The following MBOAT1 variants were observed in gnomAD, a reference collection of about 807,000 sequenced individuals.
The protein encoded by MBOAT1 is membrane-bound glycerophospholipid O-acyltransferase 1.
A neutral mutation model predicts 64.4 loss-of-function variants in MBOAT1; 67 were observed. The observed-to-expected ratio is 1.04, with a 90% confidence interval of 0.85 to 1.27. The LOEUF (loss-of-function observed/expected upper bound fraction) is 1.27. Ranked by LOEUF, MBOAT1 falls within the 50% of genes most tolerant of loss-of-function variation. The pLI is 0.00. For missense variants in MBOAT1, 563 were observed against 604.6 expected (o/e 0.93, Z 0.72); for synonymous variants, 229 against 218.9 (o/e 1.05, Z -0.41).
At chr6:20,178,387 G>A (rs368697280) in intron 1 of MBOAT1, among the ~76,000 whole-genome samples, 2 of 152,220 alleles carry the variant, frequency 1.3e-5, no homozygotes, top group East Asian at 3.9e-4. Flanking sequence ...TGACAAAGTT[G>A]ATAAATAAAG....
chr6:20,149,100 C>CAAA (rs60045654), intron 3 of MBOAT1, among the ~76,000 whole-genome samples: 2 of 91,772 alleles, frequency 2.2e-5, no homozygotes, highest in Non-Finnish European at 5.0e-5. Flanking sequence ...GACTCTGTCT[C>CAAA]AAAAAAAAAA....
At chr6:20,138,830 A>G (rs1761080083) in intron 4 of MBOAT1, among the ~76,000 whole-genome samples, 1 of 152,184 alleles carries the variant, frequency 6.6e-6, no homozygotes, top group African/African-American at 2.4e-5. Context: ...CTTCTCTCAC[A>G]GTTCTTGAGG....
Position 20,152,781 on chromosome 6 carries a change from GA to G in MBOAT1, c.100-13del, listed in dbSNP as rs1761559466. The stretch of plus-strand genomic sequence containing the variant: ...ACCACAAAATTCACCTGTGGCAGGG[GA>G]AGAGAAAATAAAAACCTTTGTGTGA... On this transcript the variant is annotated splice_polypyrimidine_tract_variant and intron_variant, in intron 1 of 12. Transcript: ENST00000324607. 6.3e-7 allele frequency: 1 copy of G among 1,593,352 alleles called. No individual in the cohort carries two copies. The highest frequency in any genetic ancestry group is 2.3e-5 in the East Asian group (1 of 44,372).
At chr6:20,152,278 G>C (rs1761516246) in intron 2 of MBOAT1, among the ~76,000 whole-genome samples, 1 of 151,132 alleles carries the variant, frequency 6.6e-6, no homozygotes, top group African/African-American at 2.4e-5. Context: ...AGTGAGCCAA[G>C]ATCGCGCCAC....
intron 11 of MBOAT1, 152 bp from the exon 12 acceptor site, chr6:20,109,901 A>ATTTTTTTTTTTTT (rs756853889): frequency 3.4e-6 from 1 of 296,680 alleles, no homozygotes. Context: ...TACCATCAGG[A>ATTTTTTTTTTTTT]CTTTTTTTTT....
chr6:20,204,242 G>A (rs1434432237), intron 1 of MBOAT1, among the ~76,000 whole-genome samples: 1 of 151,940 alleles, frequency 6.6e-6, no homozygotes, highest in African/African-American at 2.4e-5. Context: ...GAGGCCCAGA[G>A]ATGCCGAGGC....
At chr6:20,162,518 T>C (rs1761893449) in intron 1 of MBOAT1, among the ~76,000 whole-genome samples, 1 of 152,252 alleles carries the variant, frequency 6.6e-6, no homozygotes, top group African/African-American at 2.4e-5. Context: ...GTTTAAAACA[T>C]ACAAGTTTTG....
At chr6:20,141,858 G>A (rs1286431101) in intron 4 of MBOAT1, among the ~76,000 whole-genome samples, 2 of 152,100 alleles carry the variant, frequency 1.3e-5, no homozygotes, top group Non-Finnish European at 2.9e-5. Context: ...GTAATGAGAG[G>A]ACCTGGTGAC....
At chr6:20,115,445 CT>C in intron 9 of MBOAT1, 93 bp from the exon 10 acceptor site, 1 of 991,578 alleles carries the variant, frequency 1.0e-6, no homozygotes, top group African/African-American at 1.6e-5. Flanking sequence ...AGGTTAGATA[CT>C]GTATTTCAAT....
intron 1 of MBOAT1, among the ~76,000 whole-genome samples, chr6:20,165,067 C>T (rs1268244563): frequency 6.6e-6 from 1 of 152,146 alleles, no homozygotes; most frequent in Non-Finnish European, 1.5e-5. Flanking sequence ...ATATTTTCAA[C>T]TTAGAGTGGG....
intron 4 of MBOAT1, among the ~76,000 whole-genome samples, chr6:20,140,172 C>T (rs1381038269): frequency 6.6e-6 from 1 of 152,204 alleles, no homozygotes; most frequent in East Asian, 1.9e-4. Flanking sequence ...GTTTATACTT[C>T]CTTCCCCCAA....
chr6:20,165,695 A>G (rs1259899270), intron 1 of MBOAT1, among the ~76,000 whole-genome samples: 1 of 151,730 alleles, frequency 6.6e-6, no homozygotes, highest in Non-Finnish European at 1.5e-5. Context: ...GTGAGCCGCG[A>G]TCGTGCCAGT....
intron 1 of MBOAT1, among the ~76,000 whole-genome samples, chr6:20,164,823 A>T (rs1454581669): frequency 6.6e-6 from 1 of 152,202 alleles, no homozygotes; most frequent in Non-Finnish European, 1.5e-5. Context: ...AGATGGTGTG[A>T]AAGTGACTTG....
At position 20,139,229 on chromosome 6, in the gene MBOAT1, G is replaced by A. The variant is rs574706062; in HGVS notation, c.419+4991C>T. Among the ~76,000 whole-genome samples the A allele has an allele frequency of 6.6e-5, 10 of 152,262 alleles. No individual in the cohort carries two copies. In the South Asian group the frequency reaches 1.9e-3, roughly 28 times the overall value. On this transcript the variant is annotated intron_variant, in intron 4 of 12. Transcript: ENST00000324607. The stretch of plus-strand genomic sequence containing the variant: ...CAACCTCCACCTCCTGGGTTCAGGC[G>A]ATTCCCCTGCTTCAGCCTCCCATGT...
intron 11 of MBOAT1, among the ~76,000 whole-genome samples, chr6:20,110,124 T>C (rs1760090843): frequency 6.6e-6 from 1 of 151,912 alleles, no homozygotes; most frequent in African/African-American, 2.4e-5. Flanking sequence ...TTGGCCAGGC[T>C]GGTCTCGAAT....
rs1762766394 is a variant in MBOAT1 at position 20,190,178 on chromosome 6, A to G, written c.99+21958T>C. Among the ~76,000 whole-genome samples, 2 of 152,010 alleles carry G rather than the reference A, an allele frequency of 1.3e-5. 1 individual carries two copies. The highest frequency in any genetic ancestry group is 4.2e-4 in the South Asian group (2 of 4,818). ...CCTGGCTAATTTTTGTATTTTTAGTAGAGATGGAGTTCCACTATGTTGGCC... is the reference window on the plus strand; with the variant it reads ...CCTGGCTAATTTTTGTATTTTTAGTGGAGATGGAGTTCCACTATGTTGGCC... On this transcript the variant is annotated intron_variant, in intron 1 of 12. Transcript: ENST00000324607.
intron 4 of MBOAT1, among the ~76,000 whole-genome samples, chr6:20,132,347 TA>T (rs1760855884): frequency 6.6e-6 from 1 of 152,190 alleles, no homozygotes; most frequent in South Asian, 2.1e-4. Context: ...ATAAAAGGCA[TA>T]AAGTAGAAGA....
chr6:20,204,593 A>G (rs1332666630), intron 1 of MBOAT1, among the ~76,000 whole-genome samples: 1 of 152,194 alleles, frequency 6.6e-6, no homozygotes, highest in Non-Finnish European at 1.5e-5. Flanking sequence ...CAGAGGGAAG[A>G]CGAGGAGAGG....
chr6:20,205,817 C>T (rs1763246767), intron 1 of MBOAT1, among the ~76,000 whole-genome samples: 1 of 152,154 alleles, frequency 6.6e-6, no homozygotes, highest in Non-Finnish European at 1.5e-5. Context: ...CTTTCCACCA[C>T]ATGAACGTGC....
Sources: gnomAD v4.1 joint callset for allele counts (sites outside exome capture counted in the v4.1 genomes callset) on GRCh38, gnomAD v4.1.1 for gene constraint, MANE v1.5 for transcripts, NCBI Gene and HGNC (gene_info 2026-07-23, HGNC 2026-07-21) for gene names.